The following ZNF438 variants were observed in gnomAD, a reference collection of about 807,000 sequenced individuals.
ZNF438 encodes zinc finger protein 438.
Under a neutral mutation model 38.0 loss-of-function variants are expected in ZNF438, and 25 were observed. That is an observed-to-expected ratio of 0.66 (90% CI 0.48 to 0.92). The LOEUF is 0.92. Ranked by LOEUF, ZNF438 falls within the 40% of genes least tolerant of loss-of-function variation. The probability of loss-of-function intolerance (pLI) is 0.00; values close to 1 mark genes in which losing one functional copy is unlikely to be tolerated. For missense variants in ZNF438, 1,007 were observed against 999.6 expected (o/e 1.01, Z -0.10); for synonymous variants, 372 against 364.1 (o/e 1.02, Z -0.25).
intron 1 of ZNF438, among the ~76,000 whole-genome samples, chr10:31,014,746 G>T (rs1030085583): frequency 6.6e-6 from 1 of 152,004 alleles, no homozygotes; most frequent in Non-Finnish European, 1.5e-5. Context: ...CTGTTGTAAG[G>T]ATCAAATAAG....
At chr10:31,017,850 G>T (rs150915775) in intron 1 of ZNF438, among the ~76,000 whole-genome samples, 7 of 152,306 alleles carry the variant, frequency 4.6e-5, no homozygotes, top group African/African-American at 1.7e-4. Flanking sequence ...CCACTTCCAA[G>T]ACACTGGTTC....
At chr10:30,850,030 T>C in exon 5 of ZNF438, 10 of 1,613,882 alleles carry the variant, frequency 6.2e-6, no homozygotes, top group Non-Finnish European at 8.5e-6. Context: ...TTCTAGGGGG[T>C]TGATATCTAG....
At chr10:30,882,846 T>TGA in intron 3 of ZNF438, among the ~76,000 whole-genome samples, 1 of 152,226 alleles carries the variant, frequency 6.6e-6, no homozygotes, top group East Asian at 1.9e-4. Context: ...TATATGCAAT[T>TGA]GACTGTATGC....
At chr10:30,979,034 G>A (rs1399525258) in intron 1 of ZNF438, among the ~76,000 whole-genome samples, 1 of 152,214 alleles carries the variant, frequency 6.6e-6, no homozygotes, top group East Asian at 1.9e-4. Context: ...ACACTACTCT[G>A]TAAATGGAAC....
rs1244253719 is a variant in ZNF438, at chr10:31,007,278, T to G, written c.-192+24555A>C. Among the ~76,000 whole-genome samples, 54 of 82,350 alleles carry G rather than the reference T, an allele frequency of 6.6e-4. 2 individuals carry two copies. Among genetic ancestry groups the G allele is most frequent in the African/African-American group, 5.4e-3 (53 of 9,814 alleles). The allele number at this position is 82,350 out of a possible 152,430, so 54.0% of individuals were successfully genotyped here. ...TAAGTCACAAAGGTTTTTTTGGTGT[T>G]TTTTTTTTTTTTTTTTTTTTGGAGA... On this transcript the variant is annotated intron_variant, in intron 1 of 5. Coordinates refer to ENST00000413025, the Ensembl canonical transcript of ZNF438.
intron 2 of ZNF438, among the ~76,000 whole-genome samples, chr10:30,930,151 G>T (rs1288845433): frequency 6.6e-6 from 1 of 151,852 alleles, no homozygotes; most frequent in Non-Finnish European, 1.5e-5. Context: ...AGCCCATTTG[G>T]TGGGGGCGGG....
At chr10:31,021,766 C>CAA (rs890400342) in intron 1 of ZNF438, among the ~76,000 whole-genome samples, 1 of 152,062 alleles carries the variant, frequency 6.6e-6, no homozygotes, top group Admixed American at 6.5e-5. Flanking sequence ...CAAATACTAC[C>CAA]AAAAACTACA....
intron 1 of ZNF438, among the ~76,000 whole-genome samples, chr10:30,970,774 C>G (rs2050653502): frequency 6.6e-6 from 1 of 152,212 alleles, no homozygotes; most frequent in Non-Finnish European, 1.5e-5. Flanking sequence ...CACCTTCAAT[C>G]TAAGTCTTGT....
At chr10:30,976,894 T>G (rs1045034346) in intron 1 of ZNF438, among the ~76,000 whole-genome samples, 2 of 152,172 alleles carry the variant, frequency 1.3e-5, no homozygotes, top group African/African-American at 4.8e-5. Flanking sequence ...AAATCAGTGA[T>G]TTACAACTTT....
chr10:31,021,459 G>C (rs59414846), intron 1 of ZNF438, among the ~76,000 whole-genome samples: 1 of 152,108 alleles, frequency 6.6e-6, no homozygotes. Flanking sequence ...GAAATATTGG[G>C]TTGGTGCAAA....
At chr10:31,030,939 G>C (rs2057252499) in intron 1 of ZNF438, among the ~76,000 whole-genome samples, 2 of 152,216 alleles carry the variant, frequency 1.3e-5, no homozygotes, top group South Asian at 4.1e-4. Flanking sequence ...TCTATAATGT[G>C]CTAGTTCCAG....
At chr10:30,893,951 A>C (rs1354761455) in intron 3 of ZNF438, among the ~76,000 whole-genome samples, 1 of 152,174 alleles carries the variant, frequency 6.6e-6, no homozygotes, top group Non-Finnish European at 1.5e-5. Context: ...ACCCTAGCTA[A>C]ATTTATTTTG....
At chr10:30,993,949 G>T (rs1019222838) in intron 1 of ZNF438, among the ~76,000 whole-genome samples, 2 of 152,190 alleles carry the variant, frequency 1.3e-5, no homozygotes, top group Non-Finnish European at 2.9e-5. Context: ...TTCCTTGTTG[G>T]GTTTTCGTTT....
chr10:30,939,523 C>G (rs147972746), intron 2 of ZNF438, among the ~76,000 whole-genome samples: 42 of 152,330 alleles, frequency 2.8e-4, no homozygotes, highest in African/African-American at 9.6e-4. Flanking sequence ...AAACAACCCA[C>G]CCATGTGAAA....
intron 4 of ZNF438, among the ~76,000 whole-genome samples, chr10:30,859,747 T>C (rs1161943663): frequency 6.6e-6 from 1 of 152,254 alleles, no homozygotes; most frequent in Admixed American, 6.5e-5. Context: ...GCAGATATAC[T>C]AGTTTTCCAC....
intron 1 of ZNF438, among the ~76,000 whole-genome samples, chr10:30,965,532 A>G (rs187755957): frequency 1.3e-5 from 2 of 152,332 alleles, no homozygotes; most frequent in East Asian, 3.9e-4. Context: ...CAAGGTGTCC[A>G]TCAAAGAAAA....
chr10:30,958,896 C>T (rs988135517), intron 1 of ZNF438, among the ~76,000 whole-genome samples: 2 of 147,310 alleles, frequency 1.4e-5, no homozygotes, highest in Admixed American at 6.8e-5. Flanking sequence ...ATATTTTCTT[C>T]CTTTTTCATT....
intron 5 of ZNF438, 72 bp downstream of exon 6, chr10:30,848,459 A>T (rs2032800649): frequency 2.6e-6 from 4 of 1,513,382 alleles, no homozygotes; most frequent in South Asian, 1.3e-5. Context: ...TCCTTTCTGA[A>T]TATGAAATCT....
chr10:30,890,083 C>CAAAAAAAAAAAAAAA (rs71863439), intron 3 of ZNF438, among the ~76,000 whole-genome samples: 33 of 93,304 alleles, frequency 3.5e-4, no homozygotes, highest in East Asian at 7.4e-4. Context: ...TTGGCATTTC[C>CAAAAAAAAAAAAAAA]AAAAAAAAAA....
Sources: allele counts gnomAD v4.1 joint callset (sites outside exome capture counted in the v4.1 genomes callset), GRCh38; gene constraint gnomAD v4.1.1; transcripts MANE v1.5; gene names NCBI Gene and HGNC (gene_info 2026-07-23, HGNC 2026-07-21).